The following RASA1 variants were observed in gnomAD, a reference collection of about 807,000 sequenced individuals.
RASA1 encodes RAS p21 protein activator 1, also known as ras GTPase-activating protein 1.
RASA1 carries 25 observed loss-of-function variants against 132.2 expected under a neutral mutation model. That is an observed-to-expected ratio of 0.19 (90% CI 0.14 to 0.26). The LOEUF is 0.26. Among genes scored for constraint, RASA1 ranks in the 10% least tolerant of loss-of-function variants. The pLI is 1.00. For synonymous variants in RASA1, 477 were observed against 449.9 expected, an observed-to-expected ratio of 1.06 and a Z score of -0.76; for missense variants, 964 against 1,299.2, an observed-to-expected ratio of 0.74 and a Z score of 3.97.
At chr5:87,387,229 C>T (rs551484566) in intron 23 of RASA1, among the ~76,000 whole-genome samples, 3 of 151,966 alleles carry the variant, frequency 2.0e-5, no homozygotes, top group Non-Finnish European at 4.4e-5. Flanking sequence ...GCCTCCTTAG[C>T]TTTTTTACTT....
At chr5:87,349,650 AG>A (rs1197630852) in intron 8 of RASA1, among the ~76,000 whole-genome samples, 1 of 151,928 alleles carries the variant, frequency 6.6e-6, no homozygotes, top group African/African-American at 2.4e-5. Flanking sequence ...TGTTATCTGT[AG>A]GAGGAGCAAA....
Position 87,337,886 on chromosome 5 carries a change from A to C in RASA1, c.900-88A>C, listed in dbSNP as rs531719071. The stretch of plus-strand genomic sequence containing the variant: ...TCCTTACATTTTTCAATATAATACT[A>C]TCCCTATCCTATTTTGTGGTATATG... On this transcript the variant is annotated intron_variant, in intron 4 of 24. Coordinates refer to ENST00000274376, the MANE Select transcript of RASA1 (RefSeq NM_002890.3). 9 of 1,353,430 alleles carry C rather than the reference A, an allele frequency of 6.6e-6. No individual in the cohort carries two copies. The African/African-American group carries it at 8.8e-5, about 13-fold the overall frequency. 83.8% of individuals were successfully genotyped at this position (1,353,430 alleles called of 1,614,324 possible). A position where few individuals can be genotyped will look rare whatever the true frequency, so the allele number is the denominator to read the frequency against.
intron 6 of RASA1, 139 bp downstream of exon 6, chr5:87,341,460 C>G: frequency 2.3e-6 from 1 of 441,560 alleles, no homozygotes. Flanking sequence ...GAACTGATTT[C>G]TAAATATTTT....
At position 87,389,534 on chromosome 5, in the gene RASA1, T is replaced by A. The variant is rs762732004; in HGVS notation, c.3060+7T>A. The A allele has an allele frequency of 1.9e-6, 3 of 1,613,714 alleles. No individual in the cohort carries two copies. The South Asian group carries it at 3.3e-5, about 18-fold the overall frequency. On this transcript the variant is annotated splice_region_variant and intron_variant, in intron 24 of 24. Coordinates refer to ENST00000274376, the MANE Select transcript of RASA1 (RefSeq NM_002890.3). ...TGAGCGTGGTGCACAGCAGGTAGGC[T>A]TTCGCCAGCCTTCATTAACAATGAT... is the stretch of plus-strand genomic sequence containing the variant.
At position 87,362,800 on chromosome 5, in the gene RASA1, C is replaced by T; in HGVS notation, c.1453+129C>T. 4 of 1,004,168 alleles carry T rather than the reference C, an allele frequency of 4.0e-6. No individual in the cohort carries two copies. In the South Asian group the frequency reaches 4.7e-5, roughly 12 times the overall value. 62.2% of individuals were successfully genotyped at this position (1,004,168 alleles called of 1,614,324 possible). On this transcript the variant is annotated intron_variant, in intron 10 of 24. Coordinates refer to ENST00000274376, the MANE Select transcript of RASA1 (RefSeq NM_002890.3). ...TAGTAATTGACACTTGTTTAGAGCCCATATATAAGCATTCTTCAAAATTTA... is the reference window on the plus strand; with the variant it reads ...TAGTAATTGACACTTGTTTAGAGCCTATATATAAGCATTCTTCAAAATTTA...
chr5:87,268,441 C>T lies in RASA1; in HGVS notation c.-11C>T, dbSNP rs547906803. The T allele has an allele frequency of 9.1e-6, 14 of 1,539,488 alleles. No individual in the cohort carries two copies. Among genetic ancestry groups the T allele is most frequent in the South Asian group, 8.5e-5 (7 of 82,584 alleles). Reference sequence around the variant, plus strand: ...GCGGGCAGGGTAGGGCAGAGTAGAGCGGGCTTCAACATGATGGCGGCCGAG... The same window carrying T: ...GCGGGCAGGGTAGGGCAGAGTAGAGTGGGCTTCAACATGATGGCGGCCGAG... On this transcript the variant is annotated 5_prime_UTR_variant, in exon 1 of 25. Coordinates refer to ENST00000274376, the MANE Select transcript of RASA1 (RefSeq NM_002890.3).
intron 1 of RASA1, among the ~76,000 whole-genome samples, chr5:87,288,190 C>CATATACCATAT (rs1037666757): frequency 6.9e-6 from 1 of 144,028 alleles, no homozygotes; most frequent in African/African-American, 2.6e-5. Context: ...ATATATATAC[C>CATATACCATAT]ATATATATAT....
In RASA1 at chr5:87,391,185, G is replaced by A. The variant is rs1432329523; in HGVS notation, c.*302G>A. ...TGCTATGACTGTATCTTGATATCTC[G>A]AACTTTCAAAATATATTTTCAGTAC... is the stretch of plus-strand genomic sequence containing the variant. On this transcript the variant is annotated 3_prime_UTR_variant, in exon 25 of 25. Coordinates refer to ENST00000274376, the MANE Select transcript of RASA1 (RefSeq NM_002890.3). 1.2e-5 allele frequency: 6 copies of A among 488,652 alleles called. No homozygotes were observed. The highest frequency in any genetic ancestry group is 3.5e-5 in the Admixed American group (1 of 28,272). The allele number at this position is 488,652 out of a possible 1,614,324, so 30.3% of individuals were successfully genotyped here.
chr5:87,268,924 C>G lies in RASA1; in HGVS notation c.473C>G (p.Ser158Cys), dbSNP rs200949838. 74 of 1,614,214 alleles carry G rather than the reference C, an allele frequency of 4.6e-5. 1 individual carries two copies. In the East Asian group the frequency reaches 1.6e-3, roughly 35 times the overall value. ...AGLGTVDEGD[S>C]LDGPEYEEEE... ...CTCGGGACAGTGGACGAAGGTGACT[C>G]TCTGGATGGACCAGAATACGAGGAG... The change falls in exon 1 of 25, where the codon TCT becomes TGT. Residue 158 changes from serine (S) to cysteine (C), a missense_variant. Physicochemically the swap from Ser to Cys is moderately radical, Grantham distance 112 (BLOSUM62 -1). Transcript: ENST00000274376.
chr5:87,391,799 A>G lies in RASA1; in HGVS notation c.*916A>G, dbSNP rs1762547103. The G allele has an allele frequency of 4.3e-6, 1 of 231,770 alleles. No homozygotes were observed. The highest frequency in any genetic ancestry group is 5.6e-5 in the Admixed American group (1 of 17,768). The allele number at this position is 231,770 out of a possible 1,614,324, so 14.4% of individuals were successfully genotyped here. ...CTTATCCATCTTTGAACTTCTGACT[A>G]CTTGTTGTATCTGCTGGATATTTAG... On this transcript the variant is annotated 3_prime_UTR_variant, in exon 25 of 25. Coordinates refer to ENST00000274376, the MANE Select transcript of RASA1 (RefSeq NM_002890.3).
Position 87,331,480 on chromosome 5 carries a change from G to A in RASA1, c.672G>A (p.Met224Ile), listed in dbSNP as rs1757595277. 5.6e-6 allele frequency: 9 copies of A among 1,613,730 alleles called. No individual in the cohort carries two copies. The highest frequency in any genetic ancestry group is 7.6e-6 in the Non-Finnish European group (9 of 1,179,838). Residue 224 changes from methionine (M) to isoleucine (I), a missense_variant, in exon 2 of 25, where the codon ATG (methionine) becomes ATA (isoleucine). Met to Ile is a conservative substitution (Grantham distance 10, BLOSUM62 1). Around this residue, in one of 6 missense-constraint regions of RASA1, gnomAD observed 154 missense variants for 286.5 expected, o/e 0.54. Coordinates refer to ENST00000274376, the MANE Select transcript of RASA1 (RefSeq NM_002890.3). ...TTGTACTTTCATTTCTTAGCCAGAT[G>A]AATGTTGTCAACCATTTTAGGTAAG... Reference protein sequence around the residue: ...GSFVLSFLSQMNVVNHFRIIA... With the variant: ...GSFVLSFLSQINVVNHFRIIA...
chr5:87,269,290 G>A (rs764412179), intron 1 of RASA1: 1 of 1,536,298 alleles, frequency 6.5e-7, no homozygotes, highest in South Asian at 1.2e-5. Context: ...AAGTTGAGGT[G>A]GTGTCCCAGA....
Position 87,349,248 on chromosome 5 carries a change from A to G in RASA1, c.1137A>G (p.Ser379=). The part of the protein sequence containing the change: ...GQVCSFLVRP[S]DNTPGDYSLY... ...TCTGCAGTTTTCTTGTGAGGCCCTC[A>G]GATAATACTCCTGGCGATTATTCAC... The change falls in exon 8 of 25, where the codon TCA becomes TCG. Residue 379 remains serine (S), a synonymous_variant. Coordinates refer to ENST00000274376, the MANE Select transcript of RASA1 (RefSeq NM_002890.3). 6.2e-7 allele frequency: 1 copy of G among 1,612,174 alleles called. No individual in the cohort carries two copies. Among genetic ancestry groups the G allele is most frequent in the Non-Finnish European group, 8.5e-7 (1 of 1,178,708 alleles).
rs542478665 is a variant in RASA1, at chr5:87,351,244, T to C, written c.1253+1880T>C. Among the ~76,000 whole-genome samples the C allele has an allele frequency of 5.9e-5, 9 of 151,804 alleles. No individual in the cohort carries two copies. The East Asian group carries it at 7.7e-4, about 13-fold the overall frequency. On this transcript the variant is annotated intron_variant, in intron 8 of 24. Transcript: ENST00000274376. ...AATTCAGCAGCCATTTATCGACTTATCTACTTTGTGAAATATACTGTACAA... is the reference window on the plus strand; with the variant it reads ...AATTCAGCAGCCATTTATCGACTTACCTACTTTGTGAAATATACTGTACAA...
intron 9 of RASA1, among the ~76,000 whole-genome samples, chr5:87,353,986 T>G (rs1469261228): frequency 6.6e-6 from 1 of 152,120 alleles, no homozygotes; most frequent in Non-Finnish European, 1.5e-5. Context: ...ATGGAGGTAC[T>G]GTTATTCTAG....
chr5:87,354,242 G>C lies in RASA1; in HGVS notation c.1332+1007G>C, dbSNP rs114343528. On this transcript the variant is annotated intron_variant, in intron 9 of 24. Coordinates refer to ENST00000274376, the MANE Select transcript of RASA1 (RefSeq NM_002890.3). The stretch of plus-strand genomic sequence containing the variant: ...ATACAGGCACACTTCATTTTATTGT[G>C]CATTGCCTTATTATGTTTCAAAGAT... 7.0e-3 allele frequency among the ~76,000 whole-genome samples: 1,065 copies of C among 152,174 alleles called. 18 individuals are homozygous for C. Among genetic ancestry groups the C allele is most frequent in the African/African-American group, 0.024 (993 of 41,518 alleles).
chr5:87,382,265 T>G (rs1227261546), intron 20 of RASA1, among the ~76,000 whole-genome samples: 2 of 152,190 alleles, frequency 1.3e-5, no homozygotes, highest in East Asian at 3.8e-4. Context: ...TATTAGAATT[T>G]CTATAAATGC....
rs761389909 is a variant in RASA1 at position 87,268,694 on chromosome 5, G to A, written c.243G>A (p.Leu81=). The A allele has an allele frequency of 4.3e-6, 7 of 1,611,496 alleles. No individual in the cohort carries two copies. Among genetic ancestry groups the A allele is most frequent in the Admixed American group, 1.7e-5 (1 of 59,562 alleles). ...GAGCCGGGTCTGTGGCAGGGGCACT[G>A]GGGGGAGCTGGACTGACAGGGGGAG... ...FLGAGSVAGA[L]GGAGLTGGGT... The change falls in exon 1 of 25, where the codon CTG becomes CTA. Residue 81 remains leucine (L), a synonymous_variant. Coordinates refer to ENST00000274376, the MANE Select transcript of RASA1 (RefSeq NM_002890.3).
chr5:87,317,922 C>T (rs1756468580), intron 1 of RASA1, among the ~76,000 whole-genome samples: 1 of 152,130 alleles, frequency 6.6e-6, no homozygotes, highest in Admixed American at 6.6e-5. Flanking sequence ...AGGCTTGAGC[C>T]ACCGCGCCCA....
Sources: gnomAD v4.1 joint callset for allele counts (sites outside exome capture counted in the v4.1 genomes callset) on GRCh38, gnomAD v4.1.1 for gene constraint, gnomAD v4.1.1 regional missense constraint, MANE v1.5 for transcripts, NCBI Gene and HGNC (gene_info 2026-07-23, HGNC 2026-07-21) for gene names.